EDRF1: variants seen among roughly 807,000 people sequenced by gnomAD.
EDRF1 encodes the protein erythroid differentiation regulatory factor 1, also known as erythroid differentiation-related factor 1.
A neutral mutation model predicts 148.7 loss-of-function variants in EDRF1; 69 were observed. The ratio of observed to expected loss-of-function variants is 0.46; its 90% CI spans 0.38 to 0.57. EDRF1 has a LOEUF of 0.57. Among genes scored for constraint, EDRF1 ranks in the 20% least tolerant of loss-of-function variants. EDRF1 has a pLI of 0.00. For missense variants in EDRF1, 1,118 were observed against 1,478.7 expected (o/e 0.76, Z 4.00); for synonymous variants, 515 against 532.8 (o/e 0.97, Z 0.46).
intron 22 of EDRF1, chr10:125,749,954 A>C: frequency 3.1e-6 from 1 of 317,850 alleles, no homozygotes; most frequent in South Asian, 2.8e-5. Flanking sequence ...CAACCTGGCC[A>C]ACATAGTGAA....
At chr10:125,724,603 AT>A (rs1848164487) in intron 4 of EDRF1, among the ~76,000 whole-genome samples, 1 of 152,226 alleles carries the variant, frequency 6.6e-6, no homozygotes, top group Admixed American at 6.5e-5. Context: ...CTCAGAATAT[AT>A]CCCCATTGTT....
At chr10:125,749,171 C>G (rs1315150588) in intron 21 of EDRF1, 1 of 490,642 alleles carries the variant, frequency 2.0e-6, no homozygotes, top group Non-Finnish European at 3.7e-6. Flanking sequence ...TGCTTGAGTT[C>G]AGGAGGCGGA....
At chr10:125,741,499 C>G (rs1479735743) in intron 17 of EDRF1, 2 of 399,150 alleles carry the variant, frequency 5.0e-6, no homozygotes, top group South Asian at 4.0e-5. Flanking sequence ...CCTTGGCCTC[C>G]CAAGGTGCTG....
rs1279657182 is a variant in EDRF1, at chr10:125,729,593, G to C, written c.1016+114G>C. ...GCCAAGATCATGCTACCGCACTCCA[G>C]CCTAGGCGAAAGAGCAAGACTCGTC... is the stretch of plus-strand genomic sequence containing the variant. On this transcript the variant is annotated intron_variant, in intron 8 of 24. Coordinates refer to ENST00000356792, the MANE Select transcript of EDRF1 (RefSeq NM_001202438.2). 4.4e-6 allele frequency: 6 copies of C among 1,348,424 alleles called. No homozygotes were observed. In the Admixed American group the frequency reaches 5.1e-5, roughly 11 times the overall value. The allele number at this position is 1,348,424 out of a possible 1,614,324, so 83.5% of individuals were successfully genotyped here. A position where few individuals can be genotyped will look rare whatever the true frequency, so the allele number is the denominator to read the frequency against.
At chr10:125,737,203 G>A (rs76328714) in intron 13 of EDRF1, among the ~76,000 whole-genome samples, 4 of 152,106 alleles carry the variant, frequency 2.6e-5, no homozygotes, top group Non-Finnish European at 4.4e-5. Flanking sequence ...GGGGCAATTA[G>A]GTAATAATTA....
intron 4 of EDRF1, among the ~76,000 whole-genome samples, chr10:125,724,602 T>A (rs1456519652): frequency 6.6e-6 from 1 of 152,246 alleles, no homozygotes; most frequent in Non-Finnish European, 1.5e-5. Flanking sequence ...TCTCAGAATA[T>A]ATCCCCATTG....
rs1376171598 is a variant in EDRF1 at position 125,745,394 on chromosome 10, C to T, written c.2591-313C>T. ...TGGAGTCCCTCCCTCTTTAAAAGGA[C>T]ACCAGTCATACTGGATTAGGATCCC... On this transcript the variant is annotated intron_variant, in intron 18 of 24. Coordinates refer to ENST00000356792, the MANE Select transcript of EDRF1 (RefSeq NM_001202438.2). 5 of 377,330 alleles carry T rather than the reference C, an allele frequency of 1.3e-5. No individual in the cohort carries two copies. The East Asian group carries it at 1.7e-4, about 13-fold the overall frequency. 23.4% of individuals were successfully genotyped at this position (377,330 alleles called of 1,614,324 possible).
At chr10:125,733,993 A>G in intron 11 of EDRF1, 79 bp from the exon 12 acceptor site, 1 of 1,190,654 alleles carries the variant, frequency 8.4e-7, no homozygotes, top group Non-Finnish European at 1.3e-6. Context: ...TGTTGGAAAG[A>G]AACAAGAGCA....
intron 17 of EDRF1, chr10:125,742,092 A>G: frequency 5.4e-6 from 3 of 558,198 alleles, no homozygotes; most frequent in Non-Finnish European, 8.9e-6. Context: ...AAGGTATAAC[A>G]GTTGGTGAAG....
chr10:125,733,253 G>GA lies in EDRF1; in HGVS notation c.1129-145dup, dbSNP rs574851858. 705 of 595,006 alleles carry GA rather than the reference G, an allele frequency of 1.2e-3. 10 individuals are homozygous for GA. The Middle Eastern group carries it at 0.013, about 11-fold the overall frequency. 36.9% of individuals were successfully genotyped at this position (595,006 alleles called of 1,614,324 possible). A position where few individuals can be genotyped will look rare whatever the true frequency, so the allele number is the denominator to read the frequency against. On this transcript the variant is annotated intron_variant, in intron 9 of 24. Coordinates refer to ENST00000356792, the MANE Select transcript of EDRF1 (RefSeq NM_001202438.2). ...GAGATTCCTTTGGGAGGCTGGGGCA[G>GA]AAAAAAGATTAAAAACCACTGGTTT...
At chr10:125,755,670 T>C (rs969660450) in intron 24 of EDRF1, among the ~76,000 whole-genome samples, 18 of 152,234 alleles carry the variant, frequency 1.2e-4, no homozygotes, top group African/African-American at 4.1e-4. Flanking sequence ...CAATTTCTTT[T>C]CATGGATACA....
intron 24 of EDRF1, among the ~76,000 whole-genome samples, chr10:125,761,550 T>C (rs1850195534): frequency 1.3e-5 from 2 of 152,218 alleles, no homozygotes; most frequent in South Asian, 4.1e-4. Flanking sequence ...TTTAATATTT[T>C]GTTAAGATTA....
chr10:125,745,069 A>C (rs916048046), intron 18 of EDRF1, among the ~76,000 whole-genome samples: 9 of 152,224 alleles, frequency 5.9e-5, no homozygotes, highest in East Asian at 1.9e-4. Flanking sequence ...CTAAGTGACT[A>C]ATGGGTGGGC....
At chr10:125,720,340 A>C (rs1424384019) in intron 1 of EDRF1, among the ~76,000 whole-genome samples, 1 of 152,218 alleles carries the variant, frequency 6.6e-6, no homozygotes, top group Non-Finnish European at 1.5e-5. Context: ...GGAGTGTGCA[A>C]GTGCAGGCTG....
chr10:125,729,450 C>A lies in EDRF1; in HGVS notation c.987C>A (p.Gly329=). ...CCAACATGCCCATATTTGGAGGAGG[C>A]AGATACCCAGCAGTCAGCTTACGTC... ...VGSNMPIFGG[G]RYPAVSLRLR... Residue 329 remains glycine, a synonymous_variant, in exon 8 of 25, where the codon GGC becomes GGA. Coordinates refer to ENST00000356792, the MANE Select transcript of EDRF1 (RefSeq NM_001202438.2). 6.2e-7 allele frequency: 1 copy of A among 1,614,138 alleles called. No homozygotes were observed. The highest frequency in any genetic ancestry group is 1.3e-5 in the African/African-American group (1 of 75,018).
rs1022302385 is a variant in EDRF1 at position 125,737,687 on chromosome 10, A to G, written c.1759-231A>G. Among the ~76,000 whole-genome samples, 49 of 152,194 alleles carry G rather than the reference A, an allele frequency of 3.2e-4. 1 individual carries two copies. Among genetic ancestry groups the G allele is most frequent in the African/African-American group, 1.2e-3 (49 of 41,452 alleles). On this transcript the variant is annotated intron_variant, in intron 13 of 24. Coordinates refer to ENST00000356792, the MANE Select transcript of EDRF1 (RefSeq NM_001202438.2). ...TGCTAATTATGAGTGGAGCTGACCT[A>G]TTAGATGATGTCTATATTTGTCTAA...
intron 9 of EDRF1, chr10:125,731,754 G>A: frequency 3.1e-6 from 1 of 323,836 alleles, no homozygotes; most frequent in Non-Finnish European, 6.7e-6. Context: ...CACTAGAGAG[G>A]AACTATTAAG....
chr10:125,730,202 A>T, intron 8 of EDRF1, 86 bp from the exon 9 acceptor site: 1 of 1,065,626 alleles, frequency 9.4e-7, no homozygotes, highest in Non-Finnish European at 1.4e-6. Flanking sequence ...ACAGCTTAAG[A>T]TACTTAAATG....
intron 24 of EDRF1, among the ~76,000 whole-genome samples, chr10:125,759,667 A>G (rs766169640): frequency 1.8e-4 from 28 of 151,996 alleles, no homozygotes; most frequent in Admixed American, 1.6e-3. Context: ...ATAATTCTCT[A>G]TAGTCTAAGG....
Sources: allele counts gnomAD v4.1 joint callset (sites outside exome capture counted in the v4.1 genomes callset), GRCh38; gene constraint gnomAD v4.1.1; transcripts MANE v1.5; gene names NCBI Gene and HGNC (gene_info 2026-07-23, HGNC 2026-07-21).